Variants in AAK1 observed in about 807,000 individuals in gnomAD.
AAK1 encodes the protein AP2-associated protein kinase 1.
Under a neutral mutation model 116.0 loss-of-function variants are expected in AAK1, and 37 were observed. The ratio of observed to expected loss-of-function variants is 0.32; its 90% CI spans 0.25 to 0.42. The LOEUF (loss-of-function observed/expected upper bound fraction) is 0.42. Ranked by LOEUF, AAK1 falls within the 10% of genes least tolerant of loss-of-function variation. The pLI, the probability that AAK1 is intolerant of heterozygous loss-of-function variation, is 1.00. For synonymous variants in AAK1, 458 were observed against 439.9 expected (o/e 1.04, Z -0.51); for missense variants, 919 against 1,170.6 (o/e 0.79, Z 3.14).
At chr2:69,605,950 A>G (rs909268820) in intron 2 of AAK1, among the ~76,000 whole-genome samples, 1 of 152,322 alleles carries the variant, frequency 6.6e-6, no homozygotes, top group East Asian at 1.9e-4. Flanking sequence ...GATGTGATCC[A>G]GAGCTACTGT....
intron 17 of AAK1, among the ~76,000 whole-genome samples, chr2:69,488,424 C>CA (rs1311009894): frequency 6.6e-6 from 1 of 151,960 alleles, no homozygotes; most frequent in African/African-American, 2.4e-5. Flanking sequence ...CTGGGGCCTG[C>CA]AAAATCCCAA....
intron 2 of AAK1, among the ~76,000 whole-genome samples, chr2:69,573,750 A>G (rs1672183810): frequency 6.6e-6 from 1 of 152,258 alleles, no homozygotes; most frequent in Non-Finnish European, 1.5e-5. Context: ...CTGTAATCCC[A>G]GCACTTTGGG....
chr2:69,558,713 T>A (rs139235153), intron 2 of AAK1, among the ~76,000 whole-genome samples: 1,653 of 152,302 alleles, frequency 0.011, 35 homozygotes, highest in African/African-American at 0.038. Context: ...AGTATGGGAA[T>A]TTGAATTGGG....
chr2:69,598,045 A>C (rs140528125), intron 2 of AAK1: 211 of 461,104 alleles, frequency 4.6e-4, no homozygotes, highest in African/African-American at 4.0e-3. Context: ...CACTGTGCTT[A>C]GAGGGTGAAC....
chr2:69,536,273 G>C (rs1670470232), intron 5 of AAK1, among the ~76,000 whole-genome samples: 1 of 152,114 alleles, frequency 6.6e-6, no homozygotes, highest in East Asian at 1.9e-4. Flanking sequence ...AGGGCACTTG[G>C]GCACCATTCA....
chr2:69,557,136 T>C (rs1021944580), intron 2 of AAK1, among the ~76,000 whole-genome samples, 158 bp from the exon 3 acceptor site: 1 of 152,140 alleles, frequency 6.6e-6, no homozygotes, highest in African/African-American at 2.4e-5. Context: ...ATTCTTAGAT[T>C]CTCAGAACTT....
At chr2:69,641,568 G>GAC (rs1421143936) in intron 2 of AAK1, among the ~76,000 whole-genome samples, 2 of 152,176 alleles carry the variant, frequency 1.3e-5, no homozygotes, top group Non-Finnish European at 2.9e-5. Context: ...TAAAAATCAT[G>GAC]TTTTTAAAGT....
At chr2:69,510,279 TGTAA>T (rs1390325641) in intron 13 of AAK1, among the ~76,000 whole-genome samples, 1 of 152,216 alleles carries the variant, frequency 6.6e-6, no homozygotes, top group Non-Finnish European at 1.5e-5. Flanking sequence ...AGCTCTCATT[TGTAA>T]GTGAGTGCAT....
chr2:69,536,931 G>A (rs17036745), intron 5 of AAK1, among the ~76,000 whole-genome samples: 4,149 of 152,266 alleles, frequency 0.027, 199 homozygotes, highest in African/African-American at 0.094. Flanking sequence ...TTCTAACAAA[G>A]GAGACATCTA....
chr2:69,609,787 C>T (rs749052169), intron 2 of AAK1, among the ~76,000 whole-genome samples: 11 of 151,946 alleles, frequency 7.2e-5, no homozygotes, highest in African/African-American at 9.7e-5. Flanking sequence ...CGGTGGCTCA[C>T]GCCTGTAATC....
At chr2:69,520,301 A>G (rs1448215204) in intron 11 of AAK1, 1 of 154,662 alleles carries the variant, frequency 6.5e-6, no homozygotes, top group African/African-American at 2.4e-5. Flanking sequence ...TTGGAGATCC[A>G]TCTCAGAATT....
rs1036877142 is a variant in AAK1, at chr2:69,462,759, T to G, written c.*13110A>C. The G allele has an allele frequency of 1.5e-4, 23 of 152,148 alleles. No homozygotes were observed. The highest frequency in any genetic ancestry group is 5.6e-4 in the African/African-American group (23 of 41,424). The allele number at this position is 152,148 out of a possible 1,614,324, so 9.4% of individuals were successfully genotyped here. ...CTCTTCGCTCATGTTTTTGAGGGCT[T>G]CACTTGATAATGACCATGGGAAGAA... is the stretch of plus-strand genomic sequence containing the variant. On this transcript the variant is annotated 3_prime_UTR_variant, in exon 22 of 22. Coordinates refer to ENST00000409085, the MANE Select transcript of AAK1 (RefSeq NM_014911.5).
At chr2:69,542,759 C>A in intron 4 of AAK1, 94 bp from the exon 5 acceptor site, 1 of 1,431,786 alleles carries the variant, frequency 7.0e-7, no homozygotes, top group South Asian at 1.3e-5. Flanking sequence ...GAGAAGCAGT[C>A]TGGACTAAGG....
chr2:69,475,160 G>C lies in AAK1; in HGVS notation c.*709C>G. ...TACTTGCAGTCACGTCTCCAGATCT[G>C]AGAAATCACGGTTCAATGGAAGCCA... On this transcript the variant is annotated 3_prime_UTR_variant, in exon 22 of 22. Transcript: ENST00000409085. 2.0e-6 allele frequency: 2 copies of C among 985,874 alleles called. No individual in the cohort carries two copies. Among genetic ancestry groups the C allele is most frequent in the South Asian group, 9.4e-5 (2 of 21,280 alleles). 61.1% of individuals were successfully genotyped at this position (985,874 alleles called of 1,614,324 possible).
chr2:69,624,852 T>C (rs1674823546), intron 2 of AAK1, among the ~76,000 whole-genome samples: 1 of 152,140 alleles, frequency 6.6e-6, no homozygotes, highest in African/African-American at 2.4e-5. Context: ...GAAACAATAT[T>C]ATAACAGTGC....
At chr2:69,613,570 G>A (rs778830366) in intron 2 of AAK1, among the ~76,000 whole-genome samples, 7 of 152,166 alleles carry the variant, frequency 4.6e-5, no homozygotes, top group Non-Finnish European at 7.4e-5. Context: ...GCAAGAGCTA[G>A]AGATAGAGCT....
In AAK1 at chr2:69,467,458, C is replaced by G. The variant is rs1485841344; in HGVS notation, c.*8411G>C. The G allele has an allele frequency of 2.0e-6, 2 of 985,306 alleles. No individual in the cohort carries two copies. Among genetic ancestry groups the G allele is most frequent in the African/African-American group, 3.5e-5 (2 of 57,320 alleles). The allele number at this position is 985,306 out of a possible 1,614,324, so 61.0% of individuals were successfully genotyped here. The stretch of plus-strand genomic sequence containing the variant: ...CAGGTTAGAAGTATGTCATTGGGCA[C>G]ATGTTAGCAAGAGGGCAGGAAAAAG... On this transcript the variant is annotated 3_prime_UTR_variant, in exon 22 of 22. Coordinates refer to ENST00000409085, the MANE Select transcript of AAK1 (RefSeq NM_014911.5).
intron 11 of AAK1, among the ~76,000 whole-genome samples, chr2:69,520,551 A>T (rs1394261208): frequency 6.6e-6 from 1 of 151,490 alleles, no homozygotes; most frequent in East Asian, 1.9e-4. Context: ...TTTTTGAAAA[A>T]CAGGGTTTCA....
intron 2 of AAK1, among the ~76,000 whole-genome samples, chr2:69,575,747 C>T (rs867857711): frequency 5.3e-5 from 8 of 152,070 alleles, no homozygotes; most frequent in Non-Finnish European, 1.0e-4. Flanking sequence ...GGATTACAGG[C>T]GTGAGACACC....
Sources: gnomAD v4.1 joint callset for allele counts (sites outside exome capture counted in the v4.1 genomes callset) on GRCh38, gnomAD v4.1.1 for gene constraint, MANE v1.5 for transcripts, NCBI Gene and HGNC (gene_info 2026-07-23, HGNC 2026-07-21) for gene names.